NKIRAS2: variants seen among roughly 807,000 people sequenced by gnomAD.
The protein encoded by NKIRAS2 is NF-kappa-B inhibitor-interacting Ras-like protein 2.
In NKIRAS2, 15 loss-of-function variants were observed where a neutral mutation model predicts 20.7. The ratio of observed to expected loss-of-function variants is 0.73; its 90% CI spans 0.49 to 1.12. The LOEUF (loss-of-function observed/expected upper bound fraction) is 1.12, where lower values mean the gene tolerates loss of function less well. Among genes scored for constraint, NKIRAS2 ranks in the 50% most tolerant of loss-of-function variants. NKIRAS2 has a pLI of 0.00. For synonymous variants in NKIRAS2, 116 were observed against 101.4 expected (o/e 1.14, Z -0.87); for missense variants, 196 against 249.6 (o/e 0.79, Z 1.45).
rs1186716959 is a variant in NKIRAS2 at position 42,022,742 on chromosome 17, G to A, written c.336+102G>A. On this transcript the variant is annotated intron_variant, in intron 3 of 3. Coordinates refer to ENST00000393885, the MANE Select transcript of NKIRAS2 (RefSeq NM_017595.6). ...ATGGCTCCATTCTTCACTCCAAGGT[G>A]AGTTAGGAGCCAGAGGTGGGGTGGA... 1.1e-5 allele frequency: 16 copies of A among 1,431,416 alleles called. 1 individual carries two copies. The East Asian group carries it at 3.2e-4, about 29-fold the overall frequency. The allele number at this position is 1,431,416 out of a possible 1,614,324, so 88.7% of individuals were successfully genotyped here.
chr17:42,021,514 T>C, intron 1 of NKIRAS2, 50 bp from the exon 2 acceptor site: 3 of 1,489,508 alleles, frequency 2.0e-6, no homozygotes, highest in South Asian at 2.3e-5. Flanking sequence ...CTGCCTTCTG[T>C]GTTGATGCTT....
Position 42,022,603 on chromosome 17 carries a change from T to A in NKIRAS2, c.299T>A (p.Leu100His). Reference sequence around the variant, plus strand: ...GAGTCTTTTCAGCGTGTGGAGCTGCTCAAGAAGGAGATTGACAAATCCAAG... The same window carrying A: ...GAGTCTTTTCAGCGTGTGGAGCTGCACAAGAAGGAGATTGACAAATCCAAG... ...SRESFQRVELLKKEIDKSKDK... is the reference protein window; with the variant it reads ...SRESFQRVELHKKEIDKSKDK... The change falls in exon 3 of 4, where the codon CTC becomes CAC. Residue 100 changes from leucine to histidine, a missense_variant. Leu to His is a moderately conservative substitution (Grantham distance 99). Coordinates refer to ENST00000393885, the MANE Select transcript of NKIRAS2 (RefSeq NM_017595.6). The A allele has an allele frequency of 6.2e-7, 1 of 1,613,796 alleles. No individual in the cohort carries two copies. The highest frequency in any genetic ancestry group is 1.7e-5 in the Admixed American group (1 of 60,020).
rs1219580297 is a variant in NKIRAS2, at chr17:42,025,506, C to T, written c.*1613C>T. 2.0e-5 allele frequency: 3 copies of T among 152,650 alleles called. No individual in the cohort carries two copies. Among genetic ancestry groups the T allele is most frequent in the Admixed American group, 1.3e-4 (2 of 15,278 alleles). The allele number at this position is 152,650 out of a possible 1,614,324, so 9.5% of individuals were successfully genotyped here. On this transcript the variant is annotated 3_prime_UTR_variant, in exon 4 of 4. Transcript: ENST00000393885. ...GCCAGGCAACCACCGACACACGCCC[C>T]TTCTCAAAGCCAGAGGTGAGTGGGG... is the stretch of plus-strand genomic sequence containing the variant.
At chr17:42,021,948 G>T (rs893444577) in intron 2 of NKIRAS2, 90 of 622,266 alleles carry the variant, frequency 1.4e-4, no homozygotes, top group South Asian at 2.2e-4. Flanking sequence ...GGTGGATCAC[G>T]CCTGTAATCC....
intron 2 of NKIRAS2, chr17:42,021,950 C>G: frequency 1.6e-6 from 1 of 619,706 alleles, no homozygotes; most frequent in Non-Finnish European, 3.1e-6. Context: ...TGGATCACGC[C>G]TGTAATCCGA....
intron 3 of NKIRAS2, 137 bp from the exon 4 acceptor site, chr17:42,023,517 G>T: frequency 2.6e-6 from 2 of 770,826 alleles, no homozygotes; most frequent in Non-Finnish European, 4.2e-6. Context: ...ACAATGAGTG[G>T]TATGGAATCT....
In NKIRAS2 at chr17:42,021,531, C is replaced by T. The variant is rs372569068; in HGVS notation, c.-14-33C>T. On this transcript the variant is annotated intron_variant, in intron 1 of 3. Coordinates refer to ENST00000393885, the MANE Select transcript of NKIRAS2 (RefSeq NM_017595.6). ...GCCTTCTGTGTTGATGCTTTCTTTCCTCACCTTACCCAGCGTGCTTCTGTT... is the reference window on the plus strand; with the variant it reads ...GCCTTCTGTGTTGATGCTTTCTTTCTTCACCTTACCCAGCGTGCTTCTGTT... 5 of 1,575,030 alleles carry T rather than the reference C, an allele frequency of 3.2e-6. No homozygotes were observed. In the South Asian group the frequency reaches 3.3e-5, roughly 10 times the overall value.
chr17:42,024,042 T>C lies in NKIRAS2; in HGVS notation c.*149T>C. 7.9e-7 allele frequency: 1 copy of C among 1,263,840 alleles called. No homozygotes were observed. The highest frequency in any genetic ancestry group is 2.5e-5 in the East Asian group (1 of 39,478). 78.3% of individuals were successfully genotyped at this position (1,263,840 alleles called of 1,614,324 possible). A position where few individuals can be genotyped will look rare whatever the true frequency, so the allele number is the denominator to read the frequency against. On this transcript the variant is annotated 3_prime_UTR_variant, in exon 4 of 4. Coordinates refer to ENST00000393885, the MANE Select transcript of NKIRAS2 (RefSeq NM_017595.6). ...GCCACGCCCCAGCCACTTTGCTCCC[T>C]CTCACCTCTGGGAAGTGCAAATACT...
chr17:42,023,144 G>A, intron 3 of NKIRAS2: 2 of 290,564 alleles, frequency 6.9e-6, no homozygotes, highest in South Asian at 2.7e-5. Context: ...GACTACAGGT[G>A]CATGCCACCA....
chr17:42,024,297 C>T lies in NKIRAS2; in HGVS notation c.*404C>T, dbSNP rs782684284. 1 of 258,438 alleles carries T rather than the reference C, an allele frequency of 3.9e-6. No homozygotes were observed. Among genetic ancestry groups the T allele is most frequent in the Non-Finnish European group, 7.7e-6 (1 of 130,704 alleles). The allele number at this position is 258,438 out of a possible 1,614,324, so 16.0% of individuals were successfully genotyped here. A position where few individuals can be genotyped will look rare whatever the true frequency, so the allele number is the denominator to read the frequency against. On this transcript the variant is annotated 3_prime_UTR_variant, in exon 4 of 4. Transcript: ENST00000393885. ...ATCAGCGACACACACACACTTATGG[C>T]ACCAGCCTGGACTCCAGAAAAAGGG... is the stretch of plus-strand genomic sequence containing the variant.
chr17:42,022,247 C>T lies in NKIRAS2; in HGVS notation c.95-152C>T, dbSNP rs971419087. Reference sequence around the variant, plus strand: ...AAATTAATGTTCGTTCCCCTAAACCCAAATCATTTCAGTCCTGCCAGGCTG... The same window carrying T: ...AAATTAATGTTCGTTCCCCTAAACCTAAATCATTTCAGTCCTGCCAGGCTG... On this transcript the variant is annotated intron_variant, in intron 2 of 3. Transcript: ENST00000393885. 5.2e-6 allele frequency: 4 copies of T among 769,806 alleles called. No individual in the cohort carries two copies. The African/African-American group carries it at 6.9e-5, about 13-fold the overall frequency. 47.7% of individuals were successfully genotyped at this position (769,806 alleles called of 1,614,324 possible).
At position 42,023,990 on chromosome 17, in the gene NKIRAS2, C is replaced by G. The variant is rs1555653708; in HGVS notation, c.*97C>G. On this transcript the variant is annotated 3_prime_UTR_variant, in exon 4 of 4. Transcript: ENST00000393885. Reference sequence around the variant, plus strand: ...CAAAGTAGAGGACAAGCTGTCTTTCCCAGTCAGCCAGGGAGCTCCCCGCCA... The same window carrying G: ...CAAAGTAGAGGACAAGCTGTCTTTCGCAGTCAGCCAGGGAGCTCCCCGCCA... 3.3e-6 allele frequency: 5 copies of G among 1,514,066 alleles called. No homozygotes were observed. The highest frequency in any genetic ancestry group is 4.4e-6 in the Non-Finnish European group (5 of 1,134,424). The allele number at this position is 1,514,066 out of a possible 1,614,324, so 93.8% of individuals were successfully genotyped here. A position where few individuals can be genotyped will look rare whatever the true frequency, so the allele number is the denominator to read the frequency against.
chr17:42,024,412 C>CG lies in NKIRAS2; in HGVS notation c.*519_*520insG, dbSNP rs1417989409. 3 of 157,212 alleles carry CG rather than the reference C, an allele frequency of 1.9e-5. No homozygotes were observed. Among genetic ancestry groups the CG allele is most frequent in the Non-Finnish European group, 4.2e-5 (3 of 70,600 alleles). 9.7% of individuals were successfully genotyped at this position (157,212 alleles called of 1,614,324 possible). ...GGCGTCTCCTCATCCCTCACCCTGA[C>CG]CTTTCTCCTGTCCTTTTCTTGGCTG... On this transcript the variant is annotated 3_prime_UTR_variant, in exon 4 of 4. Coordinates refer to ENST00000393885, the MANE Select transcript of NKIRAS2 (RefSeq NM_017595.6).
rs782660647 is a variant in NKIRAS2 at position 42,023,749 on chromosome 17, G to A, written c.432G>A (p.Val144=). 9.3e-6 allele frequency: 15 copies of A among 1,614,120 alleles called. No individual in the cohort carries two copies. The highest frequency in any genetic ancestry group is 1.2e-5 in the Non-Finnish European group (14 of 1,180,044). Residue 144 remains valine, a synonymous_variant, in exon 4 of 4, where the codon GTG becomes GTA. Coordinates refer to ENST00000393885, the MANE Select transcript of NKIRAS2 (RefSeq NM_017595.6). The part of the protein sequence containing the change: ...VAQHWAKSEK[V]KLWEVSVADR... Reference sequence around the variant, plus strand: ...AGCACTGGGCCAAGTCAGAGAAGGTGAAGCTGTGGGAGGTGTCAGTGGCGG... The same window carrying A: ...AGCACTGGGCCAAGTCAGAGAAGGTAAAGCTGTGGGAGGTGTCAGTGGCGG...
chr17:42,019,585 A>G (rs28372785), upstream of NKIRAS2, among the ~76,000 whole-genome samples: 407 of 152,310 alleles, frequency 2.7e-3, 14 homozygotes, highest in East Asian at 0.071. Flanking sequence ...AGAAAATGCC[A>G]TGACTTGTAG....
At chr17:42,019,518 G>A (rs1314265916), upstream of NKIRAS2, among the ~76,000 whole-genome samples, 2 of 152,058 alleles carry the variant, frequency 1.3e-5, no homozygotes, top group African/African-American at 4.8e-5. Context: ...TTTAATTTGA[G>A]TACCAATATT....
At position 42,021,635 on chromosome 17, in the gene NKIRAS2, A is replaced by T; in HGVS notation, c.58A>T (p.Ile20Phe). Residue 20 changes from isoleucine to phenylalanine, a missense_variant, in exon 2 of 4, where the codon ATC becomes TTC. Ile to Phe is a conservative substitution (Grantham distance 21, BLOSUM62 0). Coordinates refer to ENST00000393885, the MANE Select transcript of NKIRAS2 (RefSeq NM_017595.6). ...CGQASVGKTSILEQLLYGNHV... is the reference protein window; with the variant it reads ...CGQASVGKTSFLEQLLYGNHV... ...CCAGGCGTCTGTGGGCAAAACTTCA[A>T]TCCTGGAGCAGCTTCTGTATGGGAA... 1 of 1,614,148 alleles carries T rather than the reference A, an allele frequency of 6.2e-7. No homozygotes were observed. The highest frequency in any genetic ancestry group is 8.5e-7 in the Non-Finnish European group (1 of 1,180,002).
At chr17:42,021,848 C>T (rs781935451) in intron 2 of NKIRAS2, 177 bp downstream of exon 2, 4 of 759,082 alleles carry the variant, frequency 5.3e-6, no homozygotes, top group Admixed American at 3.4e-5. Context: ...GGGAGAAAGC[C>T]CTATGTCCAA....
At position 42,022,472 on chromosome 17, in the gene NKIRAS2, G is replaced by A. The variant is rs2052478982; in HGVS notation, c.168G>A (p.Gln56=). Residue 56 remains glutamine, a synonymous_variant, in exon 3 of 4, where the codon CAG becomes CAA. Transcript: ENST00000393885. ...AGACAGACCGGGGGGTGCGAGAGCA[G>A]GTGCGTTTCTATGACACCCGGGGGC... ...SIETDRGVRE[Q]VRFYDTRGLR... is the part of the protein sequence containing the mutation. 3 of 1,613,526 alleles carry A rather than the reference G, an allele frequency of 1.9e-6. No homozygotes were observed. The highest frequency in any genetic ancestry group is 1.7e-5 in the Admixed American group (1 of 60,000).
Sources: gnomAD v4.1 joint callset for allele counts (sites outside exome capture counted in the v4.1 genomes callset) on GRCh38, gnomAD v4.1.1 for gene constraint, MANE v1.5 for transcripts, NCBI Gene and HGNC (gene_info 2026-07-23, HGNC 2026-07-21) for gene names.